The following TMEM120B variants were observed in gnomAD, a reference collection of about 807,000 sequenced individuals.
The protein encoded by TMEM120B is transmembrane protein 120B.
TMEM120B carries 31 observed loss-of-function variants against 55.5 expected under a neutral mutation model. The observed-to-expected ratio is 0.56, with a 90% CI of 0.42 to 0.75. The LOEUF (loss-of-function observed/expected upper bound fraction) is 0.75. Among genes scored for constraint, TMEM120B ranks in the 30% least tolerant of loss-of-function variants. The pLI is 0.00. For synonymous variants in TMEM120B, 203 were observed against 176.3 expected, an observed-to-expected ratio of 1.15 and a Z score of -1.20; for missense variants, 399 against 425.5, an observed-to-expected ratio of 0.94 and a Z score of 0.55.
At chr12:121,729,815 G>A (rs1894962512) in intron 1 of TMEM120B, among the ~76,000 whole-genome samples, 5 of 152,012 alleles carry the variant, frequency 3.3e-5, no homozygotes, top group Admixed American at 6.6e-5. Context: ...TATAGAAAGC[G>A]GGGTTTCAGA....
rs1874415681 is a variant in TMEM120B, at chr12:121,780,635, C to A, written c.*4913C>A. ...GCTTAACCTCTCTGGGCCTCAGTTTCTCCCCCTGTAAACTGGGGGATGTGA... is the reference window on the plus strand; with the variant it reads ...GCTTAACCTCTCTGGGCCTCAGTTTATCCCCCTGTAAACTGGGGGATGTGA... On this transcript the variant is annotated 3_prime_UTR_variant, in exon 12 of 12. Coordinates refer to ENST00000449592, the MANE Select transcript of TMEM120B (RefSeq NM_001080825.2). 1.7e-6 allele frequency: 1 copy of A among 579,276 alleles called. No homozygotes were observed. The allele number at this position is 579,276 out of a possible 1,614,324, so 35.9% of individuals were successfully genotyped here.
chr12:121,726,907 CAAAAAAAAAAAAAAAA>C (rs71305665), intron 1 of TMEM120B, among the ~76,000 whole-genome samples: 2 of 73,718 alleles, frequency 2.7e-5, no homozygotes, highest in East Asian at 7.9e-4. Flanking sequence ...GACTCTGTCT[CAAAAAAAAAAAAAAAA>C]AAAAAAAAAA....
intron 1 of TMEM120B, among the ~76,000 whole-genome samples, chr12:121,726,474 G>A (rs1894893985): frequency 6.6e-6 from 1 of 151,544 alleles, no homozygotes; most frequent in African/African-American, 2.4e-5. Context: ...AGCTACTCGG[G>A]AGGCTGATGC....
intron 6 of TMEM120B, among the ~76,000 whole-genome samples, chr12:121,768,462 T>C (rs979862767): frequency 6.6e-6 from 1 of 152,114 alleles, no homozygotes; most frequent in Non-Finnish European, 1.5e-5. Context: ...AGAGTGATGG[T>C]TTAGATCCAG....
Position 121,748,366 on chromosome 12 carries a change from C to T in TMEM120B, c.229C>T (p.Gln77Ter). Residue 77 changes from glutamine (Q) to a stop codon, truncating the protein, a stop_gained, in exon 3 of 12, where the codon CAG (glutamine) becomes TAG (stop). Transcript: ENST00000449592. LOFTEE classifies it high-confidence loss of function. ...CAGTCGGGAGGAGGCGGAGCTCGTT[C>T]AGCAGATGGCAGCGAACATCAAGGA... is the stretch of plus-strand genomic sequence containing the variant. ...HASREEAELV[Q>*]QMAANIKERQ... 1 of 1,610,996 alleles carries T rather than the reference C, an allele frequency of 6.2e-7. No individual in the cohort carries two copies. Among genetic ancestry groups the T allele is most frequent in the Non-Finnish European group, 8.5e-7 (1 of 1,178,642 alleles).
chr12:121,750,505 CCA>C (rs1873244075), intron 4 of TMEM120B, 66 bp downstream of exon 4: 3 of 1,306,896 alleles, frequency 2.3e-6, no homozygotes, highest in Non-Finnish European at 3.3e-6. Context: ...CACCCACACC[CCA>C]AACCCCACAC....
chr12:121,740,768 A>C (rs1331015876), intron 1 of TMEM120B, among the ~76,000 whole-genome samples: 6 of 152,154 alleles, frequency 3.9e-5, no homozygotes, highest in Non-Finnish European at 8.8e-5. Context: ...TGGATATTTG[A>C]GAGAATATAG....
intron 10 of TMEM120B, 118 bp downstream of exon 10, chr12:121,774,840 G>A (rs1874183176): frequency 1.5e-6 from 2 of 1,338,790 alleles, no homozygotes; most frequent in African/African-American, 2.9e-5. Context: ...ACAGCATCCT[G>A]GGGCCGGGGC....
At chr12:121,762,390 C>T (rs1452645273) in intron 6 of TMEM120B, among the ~76,000 whole-genome samples, 1 of 152,184 alleles carries the variant, frequency 6.6e-6, no homozygotes, top group Non-Finnish European at 1.5e-5. Context: ...GCTATTGGGG[C>T]ACCCAGCAAC....
At chr12:121,766,547 A>C (rs1005870320) in intron 6 of TMEM120B, among the ~76,000 whole-genome samples, 3 of 152,122 alleles carry the variant, frequency 2.0e-5, no homozygotes, top group Middle Eastern at 3.2e-3. Flanking sequence ...CCCCAGTTGG[A>C]ATCTTGACAC....
intron 1 of TMEM120B, among the ~76,000 whole-genome samples, chr12:121,731,617 A>G (rs767913759): frequency 1.3e-5 from 2 of 152,222 alleles, no homozygotes; most frequent in African/African-American, 2.4e-5. Flanking sequence ...GCAATAGTCT[A>G]TACCATCCAG....
At chr12:121,749,985 C>G (rs1240569926) in intron 3 of TMEM120B, among the ~76,000 whole-genome samples, 1 of 150,514 alleles carries the variant, frequency 6.6e-6, no homozygotes, top group Non-Finnish European at 1.5e-5. Flanking sequence ...AGAGTGAGAC[C>G]CTGTCTCTAA....
intron 1 of TMEM120B, among the ~76,000 whole-genome samples, chr12:121,731,149 A>C (rs1040863890): frequency 2.0e-5 from 3 of 152,330 alleles, no homozygotes; most frequent in African/African-American, 7.2e-5. Flanking sequence ...ATTGTGGTAT[A>C]GTCACACATT....
chr12:121,733,508 T>C (rs1289952595), intron 1 of TMEM120B, among the ~76,000 whole-genome samples: 2 of 149,476 alleles, frequency 1.3e-5, no homozygotes, highest in Non-Finnish European at 3.0e-5. Flanking sequence ...CCTCCCAAAG[T>C]GCTGGGATTA....
In TMEM120B at chr12:121,779,518, G is replaced by T; in HGVS notation, c.*3796G>T. The T allele has an allele frequency of 6.2e-7, 1 of 1,612,712 alleles. No individual in the cohort carries two copies. On this transcript the variant is annotated 3_prime_UTR_variant, in exon 12 of 12. Transcript: ENST00000449592. Reference sequence around the variant, plus strand: ...CTGGGTCAGAGCAGCAGGCAGAGCCGGCGCTTCTTCTGCCGTTGCGCCTTC... The same window carrying T: ...CTGGGTCAGAGCAGCAGGCAGAGCCTGCGCTTCTTCTGCCGTTGCGCCTTC...
intron 5 of TMEM120B, among the ~76,000 whole-genome samples, chr12:121,756,327 C>G (rs1379103739): frequency 6.6e-6 from 1 of 152,060 alleles, no homozygotes; most frequent in African/African-American, 2.4e-5. Flanking sequence ...GCGAAACCCC[C>G]TCTCTACAAA....
chr12:121,762,019 A>G (rs891700260), intron 6 of TMEM120B, among the ~76,000 whole-genome samples: 13 of 152,058 alleles, frequency 8.5e-5, no homozygotes, highest in South Asian at 2.1e-4. Flanking sequence ...GCGGCATGGC[A>G]CGGTGGCTCA....
At chr12:121,773,613 C>G (rs1874136605) in intron 9 of TMEM120B, 100 bp downstream of exon 9, 2 of 865,122 alleles carry the variant, frequency 2.3e-6, no homozygotes, top group Non-Finnish European at 3.4e-6. Context: ...TACAGCGGAG[C>G]CAGGCCGCTG....
chr12:121,746,422 G>C (rs1873085782), intron 2 of TMEM120B, among the ~76,000 whole-genome samples: 1 of 152,058 alleles, frequency 6.6e-6, no homozygotes, highest in African/African-American at 2.4e-5. Context: ...CCCAACCTCA[G>C]GTGATCGGCC....
Sources: allele counts gnomAD v4.1 joint callset (sites outside exome capture counted in the v4.1 genomes callset), GRCh38; gene constraint gnomAD v4.1.1; transcripts MANE v1.5; gene names NCBI Gene and HGNC (gene_info 2026-07-23, HGNC 2026-07-21).